The following PRKN variants were observed in gnomAD, a reference collection of about 807,000 sequenced individuals.
PRKN encodes the protein parkin RBR E3 ubiquitin protein ligase.
A neutral mutation model predicts 59.5 loss-of-function variants in PRKN; 56 were observed. The observed-to-expected ratio is 0.94, with a 90% CI of 0.76 to 1.18. The LOEUF (loss-of-function observed/expected upper bound fraction) is 1.18. PRKN is among the 50% of genes most tolerant of loss of function. PRKN has a pLI of 0.00. For synonymous variants in PRKN, 250 were observed against 222.1 expected, an observed-to-expected ratio of 1.13 and a Z score of -1.12; for missense variants, 657 against 596.4, an observed-to-expected ratio of 1.10 and a Z score of -1.06.
rs1443223098 is a variant in PRKN, at chr6:161,376,402, T to G, written c.1167+10392A>C. ...ACCTGCTTTTGTTTCTGTCTCCTCT[T>G]CCAGCCAATGGCACCACCATCGTTC... On this transcript the variant is annotated intron_variant, in intron 10 of 11. Coordinates refer to ENST00000366898, the MANE Select transcript of PRKN (RefSeq NM_004562.3). This position sits in a 1 kb window ranked among gnomAD's most constrained non-coding sequence, Gnocchi z 7.3. Among the ~76,000 whole-genome samples, 1 of 152,154 alleles carries G rather than the reference T, an allele frequency of 6.6e-6. No homozygotes were observed.
At chr6:162,715,742 C>G (rs1000871598) in intron 1 of PRKN, among the ~76,000 whole-genome samples, 3 of 152,172 alleles carry the variant, frequency 2.0e-5, no homozygotes, top group Admixed American at 6.5e-5. Context: ...GGTCCTGACA[C>G]CCTAATCTAT....
chr6:162,543,492 TA>T (rs1779002130), intron 1 of PRKN, among the ~76,000 whole-genome samples: 1 of 152,028 alleles, frequency 6.6e-6, no homozygotes, highest in Non-Finnish European at 1.5e-5. Context: ...AGCCCAATCC[TA>T]AACCCAGGTA....
chr6:162,704,585 C>T (rs150602042), intron 1 of PRKN, among the ~76,000 whole-genome samples: 183 of 152,284 alleles, frequency 1.2e-3, no homozygotes, highest in Admixed American at 2.6e-3. Flanking sequence ...TGCAAACATG[C>T]ACCTTAAATG....
chr6:162,516,517 C>T (rs1268145437), intron 1 of PRKN, among the ~76,000 whole-genome samples: 1 of 152,070 alleles, frequency 6.6e-6, no homozygotes, highest in Admixed American at 6.6e-5. Flanking sequence ...TTTGGGAGGC[C>T]GAGGTGGGCG....
At chr6:162,698,934 T>G (rs187579852) in intron 1 of PRKN, among the ~76,000 whole-genome samples, 1 of 152,178 alleles carries the variant, frequency 6.6e-6, no homozygotes, top group Non-Finnish European at 1.5e-5. Flanking sequence ...GACCCAACAA[T>G]AGAGTTCACA....
chr6:161,883,678 C>T (rs1001441212), intron 6 of PRKN, among the ~76,000 whole-genome samples: 4 of 152,074 alleles, frequency 2.6e-5, no homozygotes, highest in Admixed American at 1.3e-4. Flanking sequence ...AAGACAGAGT[C>T]TCACTCTGTC....
chr6:162,328,585 C>T (rs1263291491), intron 2 of PRKN, among the ~76,000 whole-genome samples: 2 of 152,152 alleles, frequency 1.3e-5, no homozygotes, highest in African/African-American at 4.8e-5. Flanking sequence ...AATAAAGGGC[C>T]GTGCAGACGT....
chr6:162,039,134 C>T (rs934948086), intron 5 of PRKN, among the ~76,000 whole-genome samples: 4 of 149,044 alleles, frequency 2.7e-5, no homozygotes, highest in South Asian at 2.1e-4. Flanking sequence ...CCAGCCTGGG[C>T]GACAGAGCGA....
chr6:162,390,537 G>T (rs887863654), intron 2 of PRKN, among the ~76,000 whole-genome samples: 1 of 151,636 alleles, frequency 6.6e-6, no homozygotes, highest in Admixed American at 6.6e-5. Context: ...CGCCTCCCGG[G>T]TTCAAGTGAT....
intron 4 of PRKN, among the ~76,000 whole-genome samples, chr6:162,088,827 G>A (rs1203336285): frequency 6.6e-6 from 1 of 152,096 alleles, no homozygotes; most frequent in Non-Finnish European, 1.5e-5. Flanking sequence ...ATGATTCAAT[G>A]GGGAAAAATA....
intron 4 of PRKN, among the ~76,000 whole-genome samples, chr6:162,156,958 C>T (rs1400339178): frequency 6.6e-6 from 1 of 151,146 alleles, no homozygotes; most frequent in Non-Finnish European, 1.5e-5. Flanking sequence ...CAAGCATTTC[C>T]CCATTGCAAA....
Position 161,503,147 on chromosome 6 carries a change from G to A in PRKN, c.1083+45707C>T, listed in dbSNP as rs915834491. Among the ~76,000 whole-genome samples, 7 of 152,136 alleles carry A rather than the reference G, an allele frequency of 4.6e-5. No individual in the cohort carries two copies. The highest frequency in any genetic ancestry group is 7.4e-5 in the Non-Finnish European group (5 of 68,022). ...CAGGTGTGTATTATAAAGGCAAACT[G>A]ATCTCCCATGTAGAGGGAGGAGATG... is the stretch of plus-strand genomic sequence containing the variant. On this transcript the variant is annotated intron_variant, in intron 9 of 11. Transcript: ENST00000366898. The surrounding 1 kb of genome is among the most constrained non-coding windows in gnomAD (Gnocchi z 5.1).
intron 6 of PRKN, among the ~76,000 whole-genome samples, chr6:161,948,050 A>G (rs547370726): frequency 2.6e-5 from 4 of 151,686 alleles, no homozygotes; most frequent in Admixed American, 1.3e-4. Context: ...CAATGGTGTG[A>G]TCTTGGCTCA....
In PRKN at chr6:161,349,783, T is replaced by A. The variant is rs1023897256; in HGVS notation, c.*316A>T. The A allele has an allele frequency of 4.5e-5, 22 of 484,320 alleles. No homozygotes were observed. The Middle Eastern group carries it at 2.3e-3, about 51-fold the overall frequency. 30.0% of individuals were successfully genotyped at this position (484,320 alleles called of 1,614,324 possible). A position where few individuals can be genotyped will look rare whatever the true frequency, so the allele number is the denominator to read the frequency against. ...ATGGATTGCACTTGAATCTGTGCTCTGGTATTTGTGTCATCCGGAGGCTGA... is the reference window on the plus strand; with the variant it reads ...ATGGATTGCACTTGAATCTGTGCTCAGGTATTTGTGTCATCCGGAGGCTGA... On this transcript the variant is annotated 3_prime_UTR_variant, in exon 12 of 12. Transcript: ENST00000366898. This position sits in a 1 kb window ranked among gnomAD's most constrained non-coding sequence, Gnocchi z 5.5.
At chr6:162,511,166 A>G (rs1322275686) in intron 1 of PRKN, among the ~76,000 whole-genome samples, 2 of 151,450 alleles carry the variant, frequency 1.3e-5, no homozygotes, top group Non-Finnish European at 2.9e-5. Flanking sequence ...GTCCCCTTTT[A>G]TATGTTTTCT....
rs138644468 is a variant in PRKN, at chr6:162,254,046, A to C, written c.412+8479T>G. Among the ~76,000 whole-genome samples the C allele has an allele frequency of 6.4e-4, 97 of 152,304 alleles. No individual in the cohort carries two copies. The East Asian group carries it at 0.013, about 21-fold the overall frequency. ...TGCCTTAGTTTTCAGGGGGTTAGAGAAGAGTGTCTTATCTCCAAACAGAAC... is the reference window on the plus strand; with the variant it reads ...TGCCTTAGTTTTCAGGGGGTTAGAGCAGAGTGTCTTATCTCCAAACAGAAC... On this transcript the variant is annotated intron_variant, in intron 3 of 11. Coordinates refer to ENST00000366898, the MANE Select transcript of PRKN (RefSeq NM_004562.3).
rs1040006697 is a variant in PRKN, at chr6:161,533,222, T to A, written c.1083+15632A>T. The stretch of plus-strand genomic sequence containing the variant: ...TGCATATGATATTACAAAACTAAAA[T>A]TCTTAAAATAATTTCTGAAAAACTA... On this transcript the variant is annotated intron_variant, in intron 9 of 11. Transcript: ENST00000366898. The surrounding 1 kb of genome is among the most constrained non-coding windows in gnomAD (Gnocchi z 4.1). Among the ~76,000 whole-genome samples, 2 of 152,138 alleles carry A rather than the reference T, an allele frequency of 1.3e-5. No individual in the cohort carries two copies. Among genetic ancestry groups the A allele is most frequent in the African/African-American group, 4.8e-5 (2 of 41,414 alleles).
At chr6:161,862,604 G>A (rs1414634441) in intron 6 of PRKN, among the ~76,000 whole-genome samples, 1 of 151,900 alleles carries the variant, frequency 6.6e-6, no homozygotes, top group Admixed American at 6.6e-5. Context: ...CTGGAGTAAC[G>A]GGGTAAAAAA....
intron 2 of PRKN, among the ~76,000 whole-genome samples, chr6:162,354,450 T>C (rs1784759043): frequency 6.6e-6 from 1 of 152,066 alleles, no homozygotes; most frequent in African/African-American, 2.4e-5. Context: ...TCTAAATGAG[T>C]AATATAACAG....
Sources: gnomAD v4.1 joint callset for allele counts (sites outside exome capture counted in the v4.1 genomes callset) on GRCh38, gnomAD v4.1.1 for gene constraint, Gnocchi (gnomAD v3.1) non-coding constraint, MANE v1.5 for transcripts, NCBI Gene and HGNC (gene_info 2026-07-23, HGNC 2026-07-21) for gene names.